NEGR1: variants seen among roughly 807,000 people sequenced by gnomAD.
The protein encoded by NEGR1 is neuronal growth regulator 1.
In NEGR1, 10 loss-of-function variants were observed where a neutral mutation model predicts 40.9. The observed-to-expected ratio is 0.24, with a 90% CI of 0.15 to 0.42. NEGR1 has a LOEUF of 0.42. Among genes scored for constraint, NEGR1 ranks in the 10% least tolerant of loss-of-function variants. The probability of loss-of-function intolerance (pLI) is 1.00; values close to 1 mark genes in which losing one functional copy is unlikely to be tolerated. For synonymous variants in NEGR1, 185 were observed against 166.8 expected (o/e 1.11, Z -0.84); for missense variants, 352 against 438.9 (o/e 0.80, Z 1.77).
At chr1:72,261,541 TA>T (rs1160377546) in intron 1 of NEGR1, among the ~76,000 whole-genome samples, 1 of 152,082 alleles carries the variant, frequency 6.6e-6, no homozygotes, top group African/African-American at 2.4e-5. Flanking sequence ...GCCTTGTAAT[TA>T]AAAAAATGTT....
chr1:71,525,674 T>A (rs770639331), intron 6 of NEGR1, among the ~76,000 whole-genome samples: 11 of 151,624 alleles, frequency 7.3e-5, no homozygotes, highest in South Asian at 4.1e-4. Flanking sequence ...AGCAGACACA[T>A]ACCTCCAAAT....
intron 6 of NEGR1, among the ~76,000 whole-genome samples, chr1:71,443,193 T>C (rs962953627): frequency 6.6e-6 from 1 of 152,236 alleles, no homozygotes; most frequent in African/African-American, 2.4e-5. Flanking sequence ...TTGTAAATTT[T>C]TTTATTGCTA....
chr1:71,597,470 C>CTGTGTGTGTGTGTG (rs1365847832), intron 5 of NEGR1, among the ~76,000 whole-genome samples: 44 of 24,790 alleles, frequency 1.8e-3, no homozygotes, highest in Admixed American at 4.9e-3. Context: ...CTCTCTCTCT[C>CTGTGTGTGTGTGTG]TCTGTGTGTG....
At chr1:71,446,387 A>C (rs961335965) in intron 6 of NEGR1, among the ~76,000 whole-genome samples, 1 of 152,210 alleles carries the variant, frequency 6.6e-6, no homozygotes, top group Non-Finnish European at 1.5e-5. Flanking sequence ...ATGTCATGAA[A>C]TAGTGAATTG....
intron 6 of NEGR1, among the ~76,000 whole-genome samples, chr1:71,588,536 A>G (rs549574493): frequency 1.3e-5 from 2 of 152,210 alleles, no homozygotes; most frequent in African/African-American, 4.8e-5. Context: ...TAGTTTTTCC[A>G]CCATAAAGTT....
At chr1:71,471,966 C>G (rs1324486891) in intron 6 of NEGR1, among the ~76,000 whole-genome samples, 1 of 152,098 alleles carries the variant, frequency 6.6e-6, no homozygotes, top group Non-Finnish European at 1.5e-5. Flanking sequence ...CCTTTTACCT[C>G]CCCTGTGTTC....
intron 2 of NEGR1, among the ~76,000 whole-genome samples, chr1:71,921,587 C>A (rs1399187384): frequency 6.6e-6 from 1 of 150,406 alleles, no homozygotes. Flanking sequence ...ATAACATTTT[C>A]TTCCCTTTAG....
chr1:71,913,893 T>C (rs1661494600), intron 2 of NEGR1, among the ~76,000 whole-genome samples: 1 of 151,692 alleles, frequency 6.6e-6, no homozygotes, highest in Non-Finnish European at 1.5e-5. Context: ...AGTACACTCC[T>C]TAGTGTATGC....
At chr1:72,121,402 A>G (rs1569998444) in intron 1 of NEGR1, among the ~76,000 whole-genome samples, 1 of 152,020 alleles carries the variant, frequency 6.6e-6, no homozygotes, top group Non-Finnish European at 1.5e-5. Flanking sequence ...TAACAAATGT[A>G]TCATACCTAA....
At chr1:71,828,358 G>C (rs937737446) in intron 2 of NEGR1, among the ~76,000 whole-genome samples, 1 of 151,778 alleles carries the variant, frequency 6.6e-6, no homozygotes, top group East Asian at 1.9e-4. Flanking sequence ...GGAAAGCAGG[G>C]GTAGGAATAG....
intron 4 of NEGR1, among the ~76,000 whole-genome samples, chr1:71,645,160 G>A (rs1346255835): frequency 6.6e-6 from 1 of 151,838 alleles, no homozygotes; most frequent in Admixed American, 6.6e-5. Flanking sequence ...GCTTTTTTCA[G>A]TTCTAGGAGA....
At chr1:72,266,260 C>G (rs1009910065) in intron 1 of NEGR1, among the ~76,000 whole-genome samples, 1 of 150,810 alleles carries the variant, frequency 6.6e-6, no homozygotes, top group African/African-American at 2.4e-5. Flanking sequence ...TCTATGTAAA[C>G]TATGTTAACT....
chr1:72,256,570 T>C (rs1475320426), intron 1 of NEGR1, among the ~76,000 whole-genome samples: 2 of 152,226 alleles, frequency 1.3e-5, no homozygotes, highest in African/African-American at 4.8e-5. Context: ...ACTTTATATA[T>C]ATCAAACTTA....
intron 5 of NEGR1, among the ~76,000 whole-genome samples, chr1:71,609,359 C>CA (rs1445220028): frequency 6.7e-6 from 1 of 150,088 alleles, no homozygotes; most frequent in Non-Finnish European, 1.5e-5. Context: ...ACTAAAAATA[C>CA]AAAAAATAAG....
In NEGR1 at chr1:72,104,038, G is replaced by T. The variant is rs574496351; in HGVS notation, c.177-168727C>A. On this transcript the variant is annotated intron_variant, in intron 1 of 6. Transcript: ENST00000357731. ...GACTGTGCTCCAAGAATTGAAATTT[G>T]GTTCCTTCCTTCCTATAAACCACAT... Among the ~76,000 whole-genome samples, 494 of 152,086 alleles carry T rather than the reference G, an allele frequency of 3.2e-3. 2 individuals are homozygous for T. Among genetic ancestry groups the T allele is most frequent in the Middle Eastern group, 6.8e-3 (2 of 294 alleles).
At chr1:72,192,758 T>C (rs777788538) in intron 1 of NEGR1, among the ~76,000 whole-genome samples, 7 of 151,982 alleles carry the variant, frequency 4.6e-5, no homozygotes, top group South Asian at 2.1e-4. Context: ...ACCTACCAGG[T>C]TATAGTTTAT....
At chr1:72,248,525 T>G (rs1654976281) in intron 1 of NEGR1, among the ~76,000 whole-genome samples, 1 of 151,252 alleles carries the variant, frequency 6.6e-6, no homozygotes, top group African/African-American at 2.4e-5. Flanking sequence ...CTCAAAGTGC[T>G]GGGATTACAG....
rs533722399 is a variant in NEGR1, at chr1:71,478,883, G to A, written c.941-71313C>T. Among the ~76,000 whole-genome samples, 3 of 152,038 alleles carry A rather than the reference G, an allele frequency of 2.0e-5. No homozygotes were observed. In the East Asian group the frequency reaches 5.8e-4, roughly 30 times the overall value. On this transcript the variant is annotated intron_variant, in intron 6 of 6. Transcript: ENST00000357731. ...GATAGGGAAAAAAAAATCTTTCAGT[G>A]ACACATAGAGTGACACTGTATGAGC...
chr1:71,831,767 A>C (rs933823795), intron 2 of NEGR1, among the ~76,000 whole-genome samples: 1 of 150,648 alleles, frequency 6.6e-6, no homozygotes, highest in Admixed American at 6.7e-5. Flanking sequence ...ATTTCTATAG[A>C]GAGGAAAGAC....
Sources: allele counts gnomAD v4.1 joint callset (sites outside exome capture counted in the v4.1 genomes callset), GRCh38; gene constraint gnomAD v4.1.1; transcripts MANE v1.5; gene names NCBI Gene and HGNC (gene_info 2026-07-23, HGNC 2026-07-21).